SEMA3D: variants seen among roughly 807,000 people sequenced by gnomAD.
SEMA3D encodes the protein semaphorin-3D.
Under a neutral mutation model 100.1 loss-of-function variants are expected in SEMA3D, and 84 were observed. The observed-to-expected ratio is 0.84, with a 90% CI of 0.70 to 1.01. The LOEUF is 1.01. SEMA3D is among the 50% of genes least tolerant of loss of function. The probability of loss-of-function intolerance (pLI) is 0.00; values close to 1 mark genes in which losing one functional copy is unlikely to be tolerated. For synonymous variants in SEMA3D, 312 were observed against 320.7 expected (o/e 0.97, Z 0.29); for missense variants, 875 against 934.1 (o/e 0.94, Z 0.82).
intron 6 of SEMA3D, among the ~76,000 whole-genome samples, chr7:85,068,692 A>T (rs1453547602): frequency 6.6e-6 from 1 of 152,204 alleles, no homozygotes; most frequent in East Asian, 1.9e-4. Flanking sequence ...CTTTCAGGAT[A>T]ATGATTACAA....
chr7:85,107,679 C>T (rs1788970928), intron 3 of SEMA3D, among the ~76,000 whole-genome samples: 2 of 151,974 alleles, frequency 1.3e-5, no homozygotes, highest in African/African-American at 4.8e-5. Context: ...TCAGGCTCAA[C>T]ATTTCTGAAT....
At chr7:85,249,443 T>C in the SEMA3D span, among the ~76,000 whole-genome samples, 3 of 152,178 alleles carry the variant, frequency 2.0e-5, no homozygotes, top group Non-Finnish European at 4.4e-5. Flanking sequence ...GGATAAAGAA[T>C]GGGCTTTAGT....
At chr7:85,249,222 GT>G in the SEMA3D span, among the ~76,000 whole-genome samples, 2 of 152,226 alleles carry the variant, frequency 1.3e-5, no homozygotes, top group African/African-American at 4.8e-5. Flanking sequence ...CTTTACTGCT[GT>G]GTTCTTCCTC....
At chr7:85,231,555 A>G in the SEMA3D span, among the ~76,000 whole-genome samples, 1 of 145,028 alleles carries the variant, frequency 6.9e-6, no homozygotes, top group African/African-American at 2.6e-5. Context: ...GGTTCACGCC[A>G]TTCTCCTGCC....
At chr7:85,012,537 A>G (rs1261369691) in intron 17 of SEMA3D, among the ~76,000 whole-genome samples, 2 of 151,882 alleles carry the variant, frequency 1.3e-5, no homozygotes, top group Non-Finnish European at 2.9e-5. Flanking sequence ...AAAAGAAACA[A>G]AAGCTACAGT....
chr7:85,172,803 A>C (rs1171054382), intron 1 of SEMA3D, among the ~76,000 whole-genome samples: 1 of 152,084 alleles, frequency 6.6e-6, no homozygotes, highest in Non-Finnish European at 1.5e-5. Flanking sequence ...GTCTCTGGGC[A>C]TGAGACTGCA....
Position 84,997,021 on chromosome 7 carries a change from TTTTA to T in SEMA3D, c.*2415_*2418del, listed in dbSNP as rs1274585952. ...CTATGTTGTTTTTTATTGTGTGAAATTTTATTTTACTAATAATATTTTTAATATA... is the reference window on the plus strand; with the variant it reads ...CTATGTTGTTTTTTATTGTGTGAAATTTTTACTAATAATATTTTTAATATA... On this transcript the variant is annotated 3_prime_UTR_variant, in exon 19 of 19. Coordinates refer to ENST00000284136, the MANE Select transcript of SEMA3D (RefSeq NM_001384900.1). 1.3e-5 allele frequency: 2 copies of T among 151,724 alleles called. No homozygotes were observed. Among genetic ancestry groups the T allele is most frequent in the East Asian group, 1.9e-4 (1 of 5,200 alleles). 9.4% of individuals were successfully genotyped at this position (151,724 alleles called of 1,614,324 possible). A position where few individuals can be genotyped will look rare whatever the true frequency, so the allele number is the denominator to read the frequency against.
At chr7:85,046,826 G>A (rs1401028616) in intron 9 of SEMA3D, among the ~76,000 whole-genome samples, 1 of 151,896 alleles carries the variant, frequency 6.6e-6, no homozygotes, top group Non-Finnish European at 1.5e-5. Context: ...GTACTAAATT[G>A]TCACCTCCTT....
intron 1 of SEMA3D, among the ~76,000 whole-genome samples, chr7:85,175,891 A>G (rs1250499348): frequency 6.6e-6 from 1 of 152,136 alleles, no homozygotes; most frequent in Admixed American, 6.6e-5. Flanking sequence ...GATAAAGTTA[A>G]TATATATAAA....
the SEMA3D span, among the ~76,000 whole-genome samples, chr7:85,232,306 C>T: frequency 1.3e-5 from 2 of 152,284 alleles, no homozygotes. Flanking sequence ...TGAAAGTTGT[C>T]TGCAAATCAC....
intron 11 of SEMA3D, among the ~76,000 whole-genome samples, chr7:85,038,380 A>G (rs1293469943): frequency 6.6e-6 from 1 of 152,186 alleles, no homozygotes; most frequent in African/African-American, 2.4e-5. Context: ...GAAATCACAG[A>G]ATCTGCCTAG....
chr7:85,005,221 C>CA (rs890867889), intron 18 of SEMA3D, among the ~76,000 whole-genome samples: 1 of 151,776 alleles, frequency 6.6e-6, no homozygotes, highest in African/African-American at 2.4e-5. Flanking sequence ...TGCAATGTAA[C>CA]AAAAAATCTG....
At chr7:85,006,103 G>T (rs1261430243) in intron 18 of SEMA3D, among the ~76,000 whole-genome samples, 1 of 151,870 alleles carries the variant, frequency 6.6e-6, no homozygotes, top group Non-Finnish European at 1.5e-5. Context: ...CACTAATAGG[G>T]TATCTGTAAT....
At position 85,147,092 on chromosome 7, in the gene SEMA3D, C is replaced by CTTTTTTTTTTTTTTTTTTTTTTTTTTTT. The variant is rs752922884; in HGVS notation, c.-41+6515_-41+6516insAAAAAAAAAAAAAAAAAAAAAAAAAAAA. On this transcript the variant is annotated intron_variant, in intron 2 of 18. Coordinates refer to ENST00000284136, the MANE Select transcript of SEMA3D (RefSeq NM_001384900.1). Reference sequence around the variant, plus strand: ...TCTTTCTTTCTTTTCTTTTTCTTTTCTTTTTTTTTTTTTTTTTTTTTTTTT... The same window carrying CTTTTTTTTTTTTTTTTTTTTTTTTTTTT: ...TCTTTCTTTCTTTTCTTTTTCTTTTCTTTTTTTTTTTTTTTTTTTTTTTTTTTTTTTTTTTTTTTTTTTTTTTTTTTTT... Among the ~76,000 whole-genome samples, 35 of 48,152 alleles carry CTTTTTTTTTTTTTTTTTTTTTTTTTTTT rather than the reference C, an allele frequency of 7.3e-4. 4 individuals are homozygous for CTTTTTTTTTTTTTTTTTTTTTTTTTTTT. The highest frequency in any genetic ancestry group is 1.9e-3 in the African/African-American group (20 of 10,288). 31.6% of individuals were successfully genotyped at this position (48,152 alleles called of 152,430 possible). A position where few individuals can be genotyped will look rare whatever the true frequency, so the allele number is the denominator to read the frequency against.
chr7:85,184,611 A>T (rs1471805263), intron 1 of SEMA3D, among the ~76,000 whole-genome samples: 1 of 152,210 alleles, frequency 6.6e-6, no homozygotes, highest in East Asian at 1.9e-4. Flanking sequence ...TAGGTGTTTG[A>T]TAAATGTTTC....
At chr7:85,228,696 T>G in the SEMA3D span, among the ~76,000 whole-genome samples, 3 of 152,116 alleles carry the variant, frequency 2.0e-5, no homozygotes, top group South Asian at 6.2e-4. Context: ...TTATCTCATC[T>G]GTTTTTCTTA....
chr7:85,052,340 G>A (rs553081619), intron 9 of SEMA3D, among the ~76,000 whole-genome samples: 12 of 151,908 alleles, frequency 7.9e-5, no homozygotes, highest in South Asian at 4.1e-4. Flanking sequence ...GACTAACATG[G>A]AAACAAAACT....
intron 8 of SEMA3D, 76 bp from the exon 9 acceptor site, chr7:85,055,935 T>TA (rs1367944862): frequency 1.2e-5 from 9 of 757,070 alleles, no homozygotes; most frequent in Non-Finnish European, 1.9e-5. Flanking sequence ...TATTTCCACG[T>TA]AAAAGCAATT....
intron 12 of SEMA3D, 147 bp downstream of exon 12, chr7:85,036,742 A>T (rs1048180324): frequency 1.7e-6 from 1 of 602,530 alleles, no homozygotes; most frequent in East Asian, 3.0e-5. Context: ...TTAAATTTCA[A>T]TGAAGGATGA....
Sources: allele counts gnomAD v4.1 joint callset (sites outside exome capture counted in the v4.1 genomes callset), GRCh38; gene constraint gnomAD v4.1.1; transcripts MANE v1.5; gene names NCBI Gene and HGNC (gene_info 2026-07-23, HGNC 2026-07-21).